Variants in PCGF3 observed in about 807,000 individuals in gnomAD.
PCGF3 encodes the protein polycomb group ring finger 3.
Under a neutral mutation model 33.1 loss-of-function variants are expected in PCGF3, and 7 were observed. That is an observed-to-expected ratio of 0.21 (90% CI 0.12 to 0.40). The LOEUF (loss-of-function observed/expected upper bound fraction) is 0.40. Ranked by LOEUF, PCGF3 falls within the 10% of genes least tolerant of loss-of-function variation. PCGF3 has a pLI of 1.00. For missense variants in PCGF3, 211 were observed against 313.3 expected (o/e 0.67, Z 2.46); for synonymous variants, 153 against 121.3 (o/e 1.26, Z -1.72).
exon 11 of PCGF3, chr4:769,476 C>CTG (rs1210641028): frequency 1.3e-5 from 2 of 152,742 alleles, no homozygotes; most frequent in Non-Finnish European, 2.9e-5. Flanking sequence ...GCCACCACAT[C>CTG]ACATGACCTT....
intron 1 of PCGF3, among the ~76,000 whole-genome samples, chr4:719,771 G>A (rs1742999754): frequency 6.6e-6 from 1 of 152,220 alleles, no homozygotes; most frequent in Non-Finnish European, 1.5e-5. Flanking sequence ...GAGACAAAGA[G>A]CTGGAGGCAT....
exon 11 of PCGF3, chr4:768,529 T>G (rs758358017): frequency 6.6e-6 from 1 of 152,184 alleles, no homozygotes; most frequent in African/African-American, 2.4e-5. Flanking sequence ...CAACTATTTA[T>G]GCTGGTAAAA....
chr4:724,898 G>A (rs1185212316), intron 1 of PCGF3, among the ~76,000 whole-genome samples: 1 of 151,618 alleles, frequency 6.6e-6, no homozygotes, highest in East Asian at 1.9e-4. Flanking sequence ...GGAGGCAGAA[G>A]TTGCAGTGAG....
At chr4:763,525 G>A (rs781770237) in intron 9 of PCGF3, among the ~76,000 whole-genome samples, 1 of 152,204 alleles carries the variant, frequency 6.6e-6, no homozygotes, top group Non-Finnish European at 1.5e-5. Context: ...GGAAAACTGC[G>A]TGGCACCACG....
intron 8 of PCGF3, among the ~76,000 whole-genome samples, chr4:749,956 C>A (rs1279641574): frequency 6.6e-6 from 1 of 152,204 alleles, no homozygotes; most frequent in Non-Finnish European, 1.5e-5. Context: ...GTTGGCAGAT[C>A]ACACCAGTTA....
At chr4:763,091 CACTG>C (rs1451008919) in intron 9 of PCGF3, among the ~76,000 whole-genome samples, 5 of 151,844 alleles carry the variant, frequency 3.3e-5, no homozygotes, top group Non-Finnish European at 4.4e-5. Flanking sequence ...TGGGGAGACT[CACTG>C]AGCACGGGCT....
At chr4:735,327 A>G (rs1743780261) in intron 5 of PCGF3, among the ~76,000 whole-genome samples, 1 of 152,188 alleles carries the variant, frequency 6.6e-6, no homozygotes, top group African/African-American at 2.4e-5. Flanking sequence ...CAGGCAGATC[A>G]CCTGAGGTCA....
At chr4:763,267 TTGGATTTTCATG>T (rs1299839872) in intron 9 of PCGF3, among the ~76,000 whole-genome samples, 1 of 152,170 alleles carries the variant, frequency 6.6e-6, no homozygotes, top group African/African-American at 2.4e-5. Context: ...GAGGAAGTCC[TTGGATTTTCATG>T]TGGAGGTGTA....
At chr4:742,148 CCCT>C (rs2152588837) in intron 6 of PCGF3, among the ~76,000 whole-genome samples, 1 of 149,910 alleles carries the variant, frequency 6.7e-6, no homozygotes, top group South Asian at 2.2e-4. Flanking sequence ...TCTCGGGGTC[CCCT>C]CCTCTCTCTC....
intron 4 of PCGF3, chr4:734,010 A>G (rs1337700623): frequency 1.9e-6 from 3 of 1,550,918 alleles, no homozygotes; most frequent in Non-Finnish European, 2.6e-6. Flanking sequence ...CGCTTAGGAG[A>G]GCGAAACACA....
intron 8 of PCGF3, among the ~76,000 whole-genome samples, chr4:755,970 A>AG (rs1268648101): frequency 7.9e-6 from 1 of 126,608 alleles, no homozygotes; most frequent in Admixed American, 9.1e-5. Context: ...CTGGAGTGCA[A>AG]GGCCTGATCT....
rs1744206049 is a variant in PCGF3, at chr4:743,989, A to T, written c.373+405A>T. On this transcript the variant is annotated intron_variant, in intron 7 of 10. Transcript: ENST00000362003. ...TCTGAGGGTATCACAACAAACGTTC[A>T]TGTCTTGAGGACATTTTATTTTCCT... The T allele has an allele frequency of 2.3e-5, 4 of 170,558 alleles. No individual in the cohort carries two copies. In the South Asian group the frequency reaches 5.9e-4, roughly 25 times the overall value. 10.6% of individuals were successfully genotyped at this position (170,558 alleles called of 1,614,324 possible).
Position 720,859 on chromosome 4 carries a change from A to C in PCGF3, c.-189-9771A>C, listed in dbSNP as rs1743049647. ...GAGGACATGTCAGACTTCTGTCTCT[A>C]AGATACTGCTCAGACTTGTGTGGAG... On this transcript the variant is annotated intron_variant, in intron 1 of 10. Transcript: ENST00000362003. This position sits in a 1 kb window ranked among gnomAD's most constrained non-coding sequence, Gnocchi z 5.6. Among the ~76,000 whole-genome samples the C allele has an allele frequency of 1.3e-5, 2 of 152,168 alleles. No individual in the cohort carries two copies. Among genetic ancestry groups the C allele is most frequent in the Admixed American group, 1.3e-4 (2 of 15,278 alleles).
intron 3 of PCGF3, among the ~76,000 whole-genome samples, chr4:732,816 C>T (rs1456976881): frequency 6.6e-6 from 1 of 152,236 alleles, no homozygotes; most frequent in African/African-American, 2.4e-5. Context: ...TGGGGTGCAC[C>T]TGGCCACCCT....
chr4:735,013 C>A, exon 5 of PCGF3: 1 of 1,612,700 alleles, frequency 6.2e-7, no homozygotes, highest in Non-Finnish European at 8.5e-7. Context: ...AGAGCCACCC[C>A]CTGCAGTACA....
intron 9 of PCGF3, among the ~76,000 whole-genome samples, chr4:763,953 C>T (rs1745211834): frequency 6.6e-6 from 1 of 152,248 alleles, no homozygotes; most frequent in Admixed American, 6.5e-5. Flanking sequence ...AGAAGCCCCT[C>T]TGAAAAGGCT....
chr4:744,049 C>T (rs1350430323), intron 7 of PCGF3: 1 of 165,568 alleles, frequency 6.0e-6, no homozygotes, highest in Non-Finnish European at 1.3e-5. Context: ...AATGTTTAGG[C>T]TCCTCCGGGC....
At chr4:749,174 TC>T (rs1744401465) in intron 8 of PCGF3, among the ~76,000 whole-genome samples, 1 of 152,266 alleles carries the variant, frequency 6.6e-6, no homozygotes, top group Admixed American at 6.5e-5. Flanking sequence ...TTTGTTTTTT[TC>T]TTTTTTGAGA....
chr4:752,103 C>T (rs1402795951), intron 8 of PCGF3, among the ~76,000 whole-genome samples: 1 of 152,246 alleles, frequency 6.6e-6, no homozygotes, highest in East Asian at 1.9e-4. Flanking sequence ...GGATGGGGAT[C>T]CTCCTGGAAG....
Sources: allele counts gnomAD v4.1 joint callset (sites outside exome capture counted in the v4.1 genomes callset), GRCh38; gene constraint gnomAD v4.1.1; non-coding constraint Gnocchi (gnomAD v3.1); transcripts MANE v1.5; gene names NCBI Gene and HGNC (gene_info 2026-07-23, HGNC 2026-07-21).